Variants in PPP1R1C observed in about 807,000 individuals in gnomAD.
The protein encoded by PPP1R1C is protein phosphatase 1 regulatory inhibitor subunit 1C.
PPP1R1C carries 15 observed loss-of-function variants against 17.4 expected under a neutral mutation model. That is an observed-to-expected ratio of 0.86 (90% CI 0.58 to 1.33). PPP1R1C has a LOEUF of 1.33. Among genes scored for constraint, PPP1R1C ranks in the 40% most tolerant of loss-of-function variants. PPP1R1C has a pLI of 0.00. For missense variants in PPP1R1C, 143 were observed against 130.0 expected (o/e 1.10, Z -0.48); for synonymous variants, 35 against 43.1 (o/e 0.81, Z 0.73).
intron 2 of PPP1R1C, among the ~76,000 whole-genome samples, chr2:182,034,021 C>A (rs1286427019): frequency 6.6e-6 from 1 of 152,150 alleles, no homozygotes; most frequent in Non-Finnish European, 1.5e-5. Context: ...TAACTCCAGG[C>A]TATAATGTGT....
intron 2 of PPP1R1C, among the ~76,000 whole-genome samples, chr2:182,037,105 G>C (rs1051127694): frequency 1.3e-5 from 2 of 152,138 alleles, no homozygotes; most frequent in African/African-American, 4.8e-5. Context: ...GATTCTCTAG[G>C]AGCAAAAAGA....
chr2:182,087,096 A>G (rs1215773996), intron 4 of PPP1R1C, among the ~76,000 whole-genome samples: 2 of 152,226 alleles, frequency 1.3e-5, no homozygotes, highest in Admixed American at 6.5e-5. Context: ...AAAAATATAC[A>G]ATTACTTCTC....
At chr2:182,092,508 A>C (rs1316693837) in intron 4 of PPP1R1C, among the ~76,000 whole-genome samples, 1 of 151,982 alleles carries the variant, frequency 6.6e-6, no homozygotes, top group African/African-American at 2.4e-5. Flanking sequence ...CAAATTCTCA[A>C]CTCATTTCAT....
intron 2 of PPP1R1C, among the ~76,000 whole-genome samples, chr2:182,056,746 T>C (rs1044717957): frequency 6.6e-6 from 1 of 152,188 alleles, no homozygotes; most frequent in African/African-American, 2.4e-5. Flanking sequence ...TTCTGTAAAA[T>C]TATATGTTTG....
intron 4 of PPP1R1C, chr2:182,103,862 G>C (rs534877587): frequency 9.2e-5 from 14 of 152,138 alleles, no homozygotes; most frequent in African/African-American, 3.1e-4. Context: ...GGAGGGAATC[G>C]AGCAGATTTT....
intron 2 of PPP1R1C, among the ~76,000 whole-genome samples, chr2:182,050,614 A>G (rs192014146): frequency 5.8e-4 from 89 of 152,292 alleles, no homozygotes; most frequent in Non-Finnish European, 1.1e-3. Context: ...CACTGTAGCA[A>G]TAAGTCATCC....
chr2:182,089,590 T>C (rs2125219644), intron 4 of PPP1R1C, among the ~76,000 whole-genome samples: 1 of 152,318 alleles, frequency 6.6e-6, no homozygotes, highest in East Asian at 1.9e-4. Flanking sequence ...TTTATCTTTT[T>C]ATAAATGCAA....
chr2:182,025,840 TC>T (rs1445974578), intron 2 of PPP1R1C, among the ~76,000 whole-genome samples: 3 of 144,826 alleles, frequency 2.1e-5, no homozygotes, highest in African/African-American at 8.2e-5. Flanking sequence ...GTAAAAGTGT[TC>T]CTATTTCTCC....
At chr2:181,981,545 C>G (rs1471335906), upstream of PPP1R1C, among the ~76,000 whole-genome samples, 1 of 152,098 alleles carries the variant, frequency 6.6e-6, no homozygotes, top group African/African-American at 2.4e-5. Flanking sequence ...GTTCATTTCA[C>G]TTATATTACT....
At chr2:182,101,795 G>C (rs1689104105) in intron 4 of PPP1R1C, among the ~76,000 whole-genome samples, 1 of 152,190 alleles carries the variant, frequency 6.6e-6, no homozygotes, top group Admixed American at 6.5e-5. Flanking sequence ...TCTGTGCTGA[G>C]AAAAGCACTT....
At chr2:182,028,351 T>C (rs1686694176) in intron 2 of PPP1R1C, among the ~76,000 whole-genome samples, 1 of 148,770 alleles carries the variant, frequency 6.7e-6, no homozygotes, top group African/African-American at 2.5e-5. Context: ...GGGCATTTAG[T>C]GCTATAAATT....
chr2:182,066,721 T>C (rs967048813), intron 4 of PPP1R1C, among the ~76,000 whole-genome samples: 2 of 152,156 alleles, frequency 1.3e-5, no homozygotes, highest in Admixed American at 6.6e-5. Context: ...TCTTGTGTAA[T>C]ATTGTGTTTC....
Position 181,961,401 on chromosome 2 carries a change from G to A in PPP1R1C, n.111+6767G>A, listed in dbSNP as rs373657595. 328 of 726,590 alleles carry A rather than the reference G, an allele frequency of 4.5e-4. 2 individuals are homozygous for A. Among genetic ancestry groups the A allele is most frequent in the East Asian group, 6.7e-4 (26 of 38,550 alleles). The allele number at this position is 726,590 out of a possible 1,614,324, so 45.0% of individuals were successfully genotyped here. A position where few individuals can be genotyped will look rare whatever the true frequency, so the allele number is the denominator to read the frequency against. Reference sequence around the variant, plus strand: ...TGTTCAGCAGAGCCTCGTACTCCCCGATCTGGTGCTGTCCCTCTGCCCGGC... The same window carrying A: ...TGTTCAGCAGAGCCTCGTACTCCCCAATCTGGTGCTGTCCCTCTGCCCGGC... On this transcript the variant is annotated intron_variant and non_coding_transcript_variant, in intron 1 of 5. Coordinates refer to the PPP1R1C transcript ENST00000464264. The surrounding 1 kb of genome is among the most constrained non-coding windows in gnomAD (Gnocchi z 5.8).
At chr2:182,087,015 T>G (rs1000707697) in intron 4 of PPP1R1C, among the ~76,000 whole-genome samples, 1 of 152,186 alleles carries the variant, frequency 6.6e-6, no homozygotes, top group Non-Finnish European at 1.5e-5. Context: ...CTTTAGTCTT[T>G]TTTATATTTC....
intron 2 of PPP1R1C, among the ~76,000 whole-genome samples, chr2:182,055,337 A>G (rs1382194499): frequency 1.3e-5 from 2 of 152,190 alleles, no homozygotes; most frequent in Non-Finnish European, 2.9e-5. Flanking sequence ...ATAGGTTGAG[A>G]ACCATAATTT....
intron 2 of PPP1R1C, among the ~76,000 whole-genome samples, chr2:182,004,744 A>G: frequency 6.6e-6 from 1 of 152,242 alleles, no homozygotes. Context: ...GAGGGCTCAC[A>G]TGCTCATTTT....
At chr2:182,011,010 T>A (rs990171322) in intron 2 of PPP1R1C, among the ~76,000 whole-genome samples, 1 of 152,188 alleles carries the variant, frequency 6.6e-6, no homozygotes, top group Non-Finnish European at 1.5e-5. Context: ...AATGTGTTAT[T>A]GAATTCCATT....
At chr2:182,087,993 C>G (rs751044033) in intron 4 of PPP1R1C, among the ~76,000 whole-genome samples, 23 of 152,116 alleles carry the variant, frequency 1.5e-4, no homozygotes, top group Non-Finnish European at 2.5e-4. Flanking sequence ...GATCCAAATG[C>G]TGTCACCATC....
chr2:182,033,361 C>G (rs921708726), intron 2 of PPP1R1C, among the ~76,000 whole-genome samples: 4 of 152,138 alleles, frequency 2.6e-5, no homozygotes, highest in African/African-American at 9.7e-5. Flanking sequence ...GTGTCTTGAG[C>G]CAAAAATATT....
Sources: gnomAD v4.1 joint callset for allele counts (sites outside exome capture counted in the v4.1 genomes callset) on GRCh38, gnomAD v4.1.1 for gene constraint, Gnocchi (gnomAD v3.1) non-coding constraint, MANE v1.5 for transcripts, NCBI Gene and HGNC (gene_info 2026-07-23, HGNC 2026-07-21) for gene names.